Variants in SGCD observed in about 807,000 individuals in gnomAD.
SGCD encodes the protein sarcoglycan delta.
A neutral mutation model predicts 36.6 loss-of-function variants in SGCD; 18 were observed. That is an observed-to-expected ratio of 0.49 (90% CI 0.34 to 0.73). SGCD has a LOEUF of 0.73. Ranked by LOEUF, SGCD falls within the 30% of genes least tolerant of loss-of-function variation. The pLI, the probability that SGCD is intolerant of heterozygous loss-of-function variation, is 0.01. For synonymous variants in SGCD, 133 were observed against 130.6 expected (o/e 1.02, Z -0.12); for missense variants, 387 against 346.7 (o/e 1.12, Z -0.92).
rs561470970 is a variant in SGCD, at chr5:155,978,975, C to T, written c.-282+108551C>T. 3.9e-5 allele frequency among the ~76,000 whole-genome samples: 6 copies of T among 152,138 alleles called. 1 individual carries two copies. The highest frequency in any genetic ancestry group is 7.2e-5 in the African/African-American group (3 of 41,422). On this transcript the variant is annotated intron_variant, in intron 1 of 9. Transcript: ENST00000517913. Reference sequence around the variant, plus strand: ...TGACCAATTAGGTCATAAAGTTGGACGGTCCTGGTCCTGATTTCATTAGCA... The same window carrying T: ...TGACCAATTAGGTCATAAAGTTGGATGGTCCTGGTCCTGATTTCATTAGCA...
intron 7 of SGCD, among the ~76,000 whole-genome samples, chr5:156,711,728 G>A (rs1755002693): frequency 1.3e-5 from 2 of 152,150 alleles, no homozygotes; most frequent in South Asian, 2.1e-4. Context: ...TCTCTCTGTA[G>A]AGGTGTTATA....
intron 7 of SGCD, among the ~76,000 whole-genome samples, chr5:156,741,362 C>T (rs1281116646): frequency 1.3e-5 from 2 of 152,148 alleles, no homozygotes; most frequent in African/African-American, 4.8e-5. Flanking sequence ...TCAAAACAGA[C>T]TTTGTGATAA....
Position 156,759,516 on chromosome 5 carries a change from G to A in SGCD, c.*126G>A. The A allele has an allele frequency of 1.9e-6, 1 of 534,556 alleles. No homozygotes were observed. The highest frequency in any genetic ancestry group is 3.3e-6 in the Non-Finnish European group (1 of 306,664). 33.1% of individuals were successfully genotyped at this position (534,556 alleles called of 1,614,324 possible). A position where few individuals can be genotyped will look rare whatever the true frequency, so the allele number is the denominator to read the frequency against. Reference sequence around the variant, plus strand: ...AGACCTTGTGTGTATGTGTACGTGTGTGTGCGTGCTTGAGTGTGTTCGCGT... The same window carrying A: ...AGACCTTGTGTGTATGTGTACGTGTATGTGCGTGCTTGAGTGTGTTCGCGT... On this transcript the variant is annotated 3_prime_UTR_variant, in exon 9 of 9. Coordinates refer to ENST00000337851, the MANE Select transcript of SGCD (RefSeq NM_000337.6).
chr5:156,624,437 C>T (rs1262952746), intron 6 of SGCD, among the ~76,000 whole-genome samples: 7 of 152,000 alleles, frequency 4.6e-5, no homozygotes, highest in African/African-American at 1.2e-4. Context: ...AAAAATTAGC[C>T]GGGCGTGTTA....
intron 1 of SGCD, among the ~76,000 whole-genome samples, chr5:156,054,423 C>T (rs1760007649): frequency 7.0e-6 from 1 of 143,802 alleles, no homozygotes; most frequent in South Asian, 2.2e-4. Flanking sequence ...CTACCTGGGA[C>T]TACAGGCACC....
intron 4 of SGCD, among the ~76,000 whole-genome samples, chr5:156,537,234 C>G (rs1351502212): frequency 2.0e-5 from 3 of 152,056 alleles, no homozygotes; most frequent in East Asian, 1.9e-4. Flanking sequence ...GCTCTCTCCC[C>G]CTTGGCACAT....
At chr5:156,105,094 A>G (rs1335728002) in intron 1 of SGCD, among the ~76,000 whole-genome samples, 4 of 152,230 alleles carry the variant, frequency 2.6e-5, no homozygotes, top group South Asian at 2.1e-4. Context: ...ATGTATACAT[A>G]TGTAACAAAC....
intron 6 of SGCD, among the ~76,000 whole-genome samples, chr5:156,610,139 G>A (rs533993414): frequency 2.0e-4 from 27 of 135,372 alleles, no homozygotes; most frequent in East Asian, 1.9e-3. Context: ...TAGAGTTTCC[G>A]GTTTTTCTGC....
intron 3 of SGCD, among the ~76,000 whole-genome samples, chr5:156,475,293 T>C (rs890009386): frequency 6.6e-6 from 1 of 152,156 alleles, no homozygotes; most frequent in African/African-American, 2.4e-5. Flanking sequence ...CTGACTAATC[T>C]TTCTTACCTG....
chr5:156,673,446 G>A (rs181807451), intron 7 of SGCD, among the ~76,000 whole-genome samples: 78 of 152,274 alleles, frequency 5.1e-4, no homozygotes, highest in African/African-American at 1.8e-3. Flanking sequence ...CATGGTTGTC[G>A]TAATTCACAG....
At chr5:156,092,711 A>G (rs1000146648) in intron 1 of SGCD, among the ~76,000 whole-genome samples, 2 of 152,194 alleles carry the variant, frequency 1.3e-5, no homozygotes, top group African/African-American at 4.8e-5. Flanking sequence ...AGGACCTGTA[A>G]GTGTAATTGC....
chr5:156,563,174 G>T (rs2113252354), intron 4 of SGCD, among the ~76,000 whole-genome samples: 1 of 152,156 alleles, frequency 6.6e-6, no homozygotes, highest in South Asian at 2.1e-4. Flanking sequence ...TAGAGATGGG[G>T]TTTCACCATG....
chr5:156,616,740 A>C (rs1762034529), intron 6 of SGCD, among the ~76,000 whole-genome samples: 1 of 152,186 alleles, frequency 6.6e-6, no homozygotes, highest in Non-Finnish European at 1.5e-5. Flanking sequence ...TGACCACTTT[A>C]TAAAAACAGC....
chr5:155,727,995 T>G, the SGCD span, among the ~76,000 whole-genome samples: 1,918 of 152,004 alleles, frequency 0.013, 41 homozygotes, highest in African/African-American at 0.044. Flanking sequence ...TCTTGCGGAG[T>G]GGAGCTCCCC....
the SGCD span, among the ~76,000 whole-genome samples, chr5:155,797,245 G>T: frequency 2.0e-5 from 3 of 152,112 alleles, no homozygotes; most frequent in African/African-American, 7.2e-5. Flanking sequence ...TTTCACCAAT[G>T]ATATTTTTCA....
chr5:156,161,524 G>A (rs1250673244), intron 3 of SGCD, among the ~76,000 whole-genome samples: 1 of 151,874 alleles, frequency 6.6e-6, no homozygotes, highest in Non-Finnish European at 1.5e-5. Flanking sequence ...AAGAGACTGA[G>A]AGCTTCAGTA....
intron 6 of SGCD, among the ~76,000 whole-genome samples, chr5:156,604,382 A>T (rs570675579): frequency 6.6e-6 from 1 of 152,060 alleles, no homozygotes; most frequent in South Asian, 2.1e-4. Flanking sequence ...TTATCCATTT[A>T]CATTCAAAGT....
chr5:156,034,431 A>C (rs1759437690), intron 1 of SGCD, among the ~76,000 whole-genome samples: 1 of 152,226 alleles, frequency 6.6e-6, no homozygotes, highest in African/African-American at 2.4e-5. Flanking sequence ...AGAACAATGA[A>C]GCTTCAAAGC....
rs187479036 is a variant in SGCD, at chr5:156,615,822, G to A, written c.502+20771G>A. On this transcript the variant is annotated intron_variant, in intron 6 of 8. Coordinates refer to ENST00000337851, the MANE Select transcript of SGCD (RefSeq NM_000337.6). ...CAAAGTGCCTATAAAATCCAGCTGCGGTTGGGTGTAGTGGGAGAGAGAGAG... is the reference window on the plus strand; with the variant it reads ...CAAAGTGCCTATAAAATCCAGCTGCAGTTGGGTGTAGTGGGAGAGAGAGAG... Among the ~76,000 whole-genome samples, 1,176 of 152,270 alleles carry A rather than the reference G, an allele frequency of 7.7e-3. 11 individuals are homozygous for A. Among genetic ancestry groups the A allele is most frequent in the Non-Finnish European group, 0.011 (775 of 68,020 alleles).
Sources: allele counts gnomAD v4.1 joint callset (sites outside exome capture counted in the v4.1 genomes callset), GRCh38; gene constraint gnomAD v4.1.1; transcripts MANE v1.5; gene names NCBI Gene and HGNC (gene_info 2026-07-23, HGNC 2026-07-21).